Variants in MSI2 observed in about 807,000 individuals in gnomAD.
MSI2 encodes RNA-binding protein Musashi homolog 2.
MSI2 carries 17 observed loss-of-function variants against 45.6 expected under a neutral mutation model. The ratio of observed to expected loss-of-function variants is 0.37; its 90% CI spans 0.26 to 0.56. The LOEUF (loss-of-function observed/expected upper bound fraction) is 0.56. MSI2 is among the 20% of genes least tolerant of loss of function. MSI2 has a pLI of 0.77. For synonymous variants in MSI2, 156 were observed against 158.2 expected (o/e 0.99, Z 0.11); for missense variants, 293 against 444.2 (o/e 0.66, Z 3.06).
chr17:57,292,080 T>C lies in MSI2; in HGVS notation c.312+29888T>C, dbSNP rs572027023. On this transcript the variant is annotated intron_variant, in intron 5 of 13. Coordinates refer to ENST00000284073, the MANE Select transcript of MSI2 (RefSeq NM_138962.4). ...CTAGTGGGCGAGACCTGCGTGAAAA[T>C]GCAGGATCGTAGAGGAGGGGACGCA... 3.7e-4 allele frequency among the ~76,000 whole-genome samples: 56 copies of C among 151,308 alleles called. 1 individual carries two copies. The highest frequency in any genetic ancestry group is 3.2e-3 in the Admixed American group (49 of 15,226).
intron 5 of MSI2, among the ~76,000 whole-genome samples, chr17:57,291,813 A>T (rs1910441997): frequency 6.6e-6 from 1 of 151,902 alleles, no homozygotes. Context: ...TGAGTGAAGG[A>T]CGGGGGAGCT....
intron 7 of MSI2, among the ~76,000 whole-genome samples, chr17:57,546,983 A>G (rs1266547647): frequency 6.6e-6 from 1 of 152,226 alleles, no homozygotes; most frequent in Non-Finnish European, 1.5e-5. Flanking sequence ...AGGGCTAAGA[A>G]GAAGAGAAAA....
At chr17:57,299,906 C>T (rs748130512) in intron 5 of MSI2, among the ~76,000 whole-genome samples, 1 of 152,172 alleles carries the variant, frequency 6.6e-6, no homozygotes, top group Non-Finnish European at 1.5e-5. Flanking sequence ...TATGGGCATT[C>T]ATAGTGATGA....
chr17:57,355,617 C>T (rs1439639104), intron 5 of MSI2, among the ~76,000 whole-genome samples: 3 of 152,204 alleles, frequency 2.0e-5, no homozygotes, highest in Admixed American at 6.5e-5. Context: ...TCGTGGTTAC[C>T]ACTGATCATG....
intron 6 of MSI2, among the ~76,000 whole-genome samples, chr17:57,521,711 G>A (rs59475169): frequency 0.038 from 5,729 of 152,176 alleles, 336 homozygotes; most frequent in African/African-American, 0.13. Flanking sequence ...CATTTAGAAC[G>A]GTGGGTCTCG....
At chr17:57,610,277 C>T (rs548284128) in intron 8 of MSI2, among the ~76,000 whole-genome samples, 1 of 152,194 alleles carries the variant, frequency 6.6e-6, no homozygotes, top group South Asian at 2.1e-4. Flanking sequence ...GTGGTGAAAC[C>T]CCTGTCTCTA....
chr17:57,491,248 C>T (rs1022603654), intron 6 of MSI2, among the ~76,000 whole-genome samples: 1 of 152,186 alleles, frequency 6.6e-6, no homozygotes, highest in Non-Finnish European at 1.5e-5. Context: ...TCTCTGAGAG[C>T]GCAGTCAGGC....
intron 6 of MSI2, among the ~76,000 whole-genome samples, chr17:57,481,692 C>T (rs2085650643): frequency 6.6e-6 from 1 of 152,124 alleles, no homozygotes; most frequent in Admixed American, 6.5e-5. Flanking sequence ...GTCATTTGCT[C>T]CCTAACTTTT....
At chr17:57,646,384 G>C (rs532212485) in intron 10 of MSI2, among the ~76,000 whole-genome samples, 2 of 152,286 alleles carry the variant, frequency 1.3e-5, no homozygotes, top group African/African-American at 4.8e-5. Flanking sequence ...CCAGCAAAGT[G>C]TCTCATCCAC....
intron 6 of MSI2, among the ~76,000 whole-genome samples, chr17:57,418,865 T>C (rs559576223): frequency 3.5e-4 from 54 of 152,344 alleles, no homozygotes; most frequent in African/African-American, 1.2e-3. Flanking sequence ...CCAGTGACAT[T>C]GACATGTCAA....
intron 5 of MSI2, among the ~76,000 whole-genome samples, chr17:57,358,206 T>TGTGG (rs1555586804): frequency 6.8e-6 from 1 of 146,180 alleles, no homozygotes; most frequent in Non-Finnish European, 1.5e-5. Flanking sequence ...TGTGGGGGGG[T>TGTGG]GTGTGTGTGT....
chr17:57,375,844 C>T (rs922702521), intron 5 of MSI2, among the ~76,000 whole-genome samples: 4 of 152,118 alleles, frequency 2.6e-5, no homozygotes, highest in East Asian at 1.9e-4. Context: ...CTTTCATTCG[C>T]GTTGCCCTTA....
intron 6 of MSI2, among the ~76,000 whole-genome samples, chr17:57,478,047 G>A (rs569147301): frequency 2.6e-5 from 4 of 152,286 alleles, no homozygotes; most frequent in Admixed American, 6.5e-5. Context: ...GCCTCTGCCC[G>A]GCCTGCTCCT....
At chr17:57,460,386 G>C (rs1567837317) in intron 6 of MSI2, among the ~76,000 whole-genome samples, 1 of 151,612 alleles carries the variant, frequency 6.6e-6, no homozygotes, top group African/African-American at 2.4e-5. Flanking sequence ...AGGAAAAAGA[G>C]AGAAAGAGAA....
intron 7 of MSI2, among the ~76,000 whole-genome samples, chr17:57,561,895 G>A (rs2087585192): frequency 6.6e-6 from 1 of 152,180 alleles, no homozygotes; most frequent in Admixed American, 6.5e-5. Flanking sequence ...GATTGGTTCA[G>A]ACGTTATTCG....
intron 12 of MSI2, among the ~76,000 whole-genome samples, chr17:57,676,695 C>T (rs1598518680): frequency 6.6e-6 from 1 of 152,210 alleles, no homozygotes; most frequent in South Asian, 2.1e-4. Context: ...GCAACATGCC[C>T]ATCACTGGGG....
intron 5 of MSI2, among the ~76,000 whole-genome samples, chr17:57,379,138 A>AC (rs556191992): frequency 2.1e-5 from 3 of 141,654 alleles, no homozygotes; most frequent in Non-Finnish European, 3.1e-5. Context: ...CAGGAACAAA[A>AC]CCCTGACATC....
intron 5 of MSI2, among the ~76,000 whole-genome samples, chr17:57,318,272 A>C (rs1286775397): frequency 6.6e-6 from 1 of 151,324 alleles, no homozygotes; most frequent in Non-Finnish European, 1.5e-5. Flanking sequence ...GAGGTGGGAG[A>C]CCCGGGGAGG....
chr17:57,430,080 A>G (rs1243217889), intron 6 of MSI2, among the ~76,000 whole-genome samples: 1 of 152,228 alleles, frequency 6.6e-6, no homozygotes, highest in African/African-American at 2.4e-5. Flanking sequence ...TATTTAAATC[A>G]TATGTGCCTT....
Sources: allele counts gnomAD v4.1 joint callset (sites outside exome capture counted in the v4.1 genomes callset), GRCh38; gene constraint gnomAD v4.1.1; transcripts MANE v1.5; gene names NCBI Gene and HGNC (gene_info 2026-07-23, HGNC 2026-07-21).